MYH8: variants seen among roughly 807,000 people sequenced by gnomAD.
MYH8 encodes the protein myosin-8.
In MYH8, 168 loss-of-function variants were observed where a neutral mutation model predicts 233.2. The ratio of observed to expected loss-of-function variants is 0.72; its 90% CI spans 0.64 to 0.82. The LOEUF is 0.82. Among genes scored for constraint, MYH8 ranks in the 40% least tolerant of loss-of-function variants. The pLI is 0.00. For synonymous variants in MYH8, 785 were observed against 850.6 expected (o/e 0.92, Z 1.34); for missense variants, 1,995 against 2,327.8 (o/e 0.86, Z 2.94).
chr17:10,390,429 T>G lies in MYH8; in HGVS notation c.*25A>C, dbSNP rs188095564. ...GCACATTTTGTGCCTTTCTTCAGCCTCTTGATAGCATCAGGCAGGTGTGTT... is the reference window on the plus strand; with the variant it reads ...GCACATTTTGTGCCTTTCTTCAGCCGCTTGATAGCATCAGGCAGGTGTGTT... On this transcript the variant is annotated 3_prime_UTR_variant, in exon 40 of 40. Coordinates refer to ENST00000403437, the MANE Select transcript of MYH8 (RefSeq NM_002472.3). 7.6e-5 allele frequency: 122 copies of G among 1,612,694 alleles called. 1 individual carries two copies. In the East Asian group the frequency reaches 2.6e-3, roughly 34 times the overall value.
At chr17:10,402,638 C>CAT (rs2072154383) in intron 22 of MYH8, among the ~76,000 whole-genome samples, 1 of 152,092 alleles carries the variant, frequency 6.6e-6, no homozygotes, top group African/African-American at 2.4e-5. Context: ...CACGCACACA[C>CAT]ACACACACAC....
intron 15 of MYH8, among the ~76,000 whole-genome samples, chr17:10,409,880 A>G (rs1421877983): frequency 6.6e-6 from 1 of 152,268 alleles, no homozygotes; most frequent in East Asian, 1.9e-4. Context: ...TTCAGTGAAT[A>G]AATCTATTGT....
Position 10,399,745 on chromosome 17 carries a change from G to A in MYH8, c.3736-76C>T, listed in dbSNP as rs905067906. On this transcript the variant is annotated intron_variant, in intron 27 of 39. Coordinates refer to ENST00000403437, the MANE Select transcript of MYH8 (RefSeq NM_002472.3). ...TTAAAACTTGATTCTTAAAATATTT[G>A]TAGAGTAAATAAATTCATGTCAAGT... The A allele has an allele frequency of 1.5e-5, 24 of 1,584,190 alleles. No homozygotes were observed. In the African/African-American group the frequency reaches 2.8e-4, roughly 19 times the overall value.
Position 10,415,034 on chromosome 17 carries a change from T to C in MYH8, c.805+82A>G. On this transcript the variant is annotated intron_variant, in intron 9 of 39. Coordinates refer to ENST00000403437, the MANE Select transcript of MYH8 (RefSeq NM_002472.3). This position sits in a 1 kb window ranked among gnomAD's most constrained non-coding sequence, Gnocchi z 4.1. ...CAGACTACCCTTTTAACAGGCTTCATGCACAGCAAGGGTGGCAAAATATCC... is the reference window on the plus strand; with the variant it reads ...CAGACTACCCTTTTAACAGGCTTCACGCACAGCAAGGGTGGCAAAATATCC... 7.6e-7 allele frequency: 1 copy of C among 1,321,092 alleles called. No individual in the cohort carries two copies. Among genetic ancestry groups the C allele is most frequent in the Non-Finnish European group, 1.1e-6 (1 of 913,802 alleles). 81.8% of individuals were successfully genotyped at this position (1,321,092 alleles called of 1,614,324 possible).
rs2072127505 is a variant in MYH8, at chr17:10,400,480, C to G, written c.3645G>C (p.Arg1215=). The change falls in exon 27 of 40, where the codon CGG becomes CGC. Residue 1215 remains arginine (R), a synonymous_variant. Coordinates refer to ENST00000403437, the MANE Select transcript of MYH8 (RefSeq NM_002472.3). This position sits in a 1 kb window ranked among gnomAD's most constrained non-coding sequence, Gnocchi z 4.0. The stretch of plus-strand genomic sequence containing the variant: ...TCTCCTTCTCCAGCTTCTGTTTGAC[C>G]CGCTGCAAGTTGTCAATCTGCTCCC... ...ELGEQIDNLQ[R]VKQKLEKEKS... The G allele has an allele frequency of 6.2e-7, 1 of 1,614,018 alleles. No homozygotes were observed. Among genetic ancestry groups the G allele is most frequent in the Non-Finnish European group, 8.5e-7 (1 of 1,180,018 alleles).
At chr17:10,393,645 T>C (rs1405451480) in intron 35 of MYH8, among the ~76,000 whole-genome samples, 1 of 152,250 alleles carries the variant, frequency 6.6e-6, no homozygotes, top group African/African-American at 2.4e-5. Flanking sequence ...ATTTGTCTTA[T>C]GAAAACATGT....
At position 10,396,405 on chromosome 17, in the gene MYH8, A is replaced by T. The variant is rs758996015; in HGVS notation, c.4578T>A (p.Ile1526=). The change falls in exon 33 of 40, where the codon ATT becomes ATA. Residue 1526 remains isoleucine (I), a synonymous_variant. Transcript: ENST00000403437. The surrounding 1 kb of genome is among the most constrained non-coding windows in gnomAD (Gnocchi z 4.2). ...TEQIAEGGKQ[I]HELEKIKKQV... is the part of the protein sequence containing the mutation. ...GCTTCTTTATTTTCTCCAATTCATG[A>T]ATTTGCTTTCCTCCCTCTGCAATCT... is the stretch of plus-strand genomic sequence containing the variant. 6.8e-6 allele frequency: 11 copies of T among 1,614,022 alleles called. No individual in the cohort carries two copies. The South Asian group carries it at 1.2e-4, about 18-fold the overall frequency.
intron 28 of MYH8, 131 bp from the exon 29 acceptor site, chr17:10,399,017 T>TAC (rs1491407804): frequency 2.1e-5 from 6 of 283,140 alleles, no homozygotes; most frequent in East Asian, 6.6e-5. Context: ...TATATATATA[T>TAC]ACAAGTTGTA....
At position 10,394,356 on chromosome 17, in the gene MYH8, C is replaced by T. The variant is rs374032538; in HGVS notation, c.5059G>A (p.Glu1687Lys). 1.2e-5 allele frequency: 20 copies of T among 1,614,122 alleles called. No homozygotes were observed. Among genetic ancestry groups the T allele is most frequent in the Non-Finnish European group, 1.7e-5 (20 of 1,180,018 alleles). The change falls in exon 35 of 40, where the codon GAG (glutamate) becomes AAG (lysine). Residue 1687 changes from glutamate (E) to lysine (K), a missense_variant. Around this residue, in one of 3 missense-constraint regions of MYH8, gnomAD observed 1,498 missense variants for 1,680.9 expected, o/e 0.89. Coordinates refer to ENST00000403437, the MANE Select transcript of MYH8 (RefSeq NM_002472.3). ...AGAGTGGCCCACAGCTCCTCGATCT[C>T]AGCCTGCAGCAGGTTGGCTCTGCGC... ...VERRANLLQA[E>K]IEELWATLEQ...
Position 10,409,146 on chromosome 17 carries a change from C to A in MYH8, c.1916G>T (p.Gly639Val), listed in dbSNP as rs557143201. The A allele has an allele frequency of 3.7e-6, 6 of 1,614,128 alleles. No individual in the cohort carries two copies. In the Admixed American group the frequency reaches 8.3e-5, roughly 22 times the overall value. Residue 639 changes from glycine (G) to valine (V), a missense_variant, in exon 17 of 40, where the codon GGT (glycine) becomes GTT (valine). Gly to Val is a moderately radical substitution (Grantham distance 109, BLOSUM62 -3). This residue lies in a region of MYH8 where 1,498 missense variants were observed against 1,680.9 expected (regional missense o/e 0.89). Transcript: ENST00000403437. ...GAAAGAAGAGCCCTTTTTCTTAGCA[C>A]CTTTCTTCGCGCTGCTATCTGAGGT... ...SAEADSSAKK[G>V]AKKKGSSFQT...
rs923545568 is a variant in MYH8 at position 10,414,033 on chromosome 17, A to G, written c.1016T>C (p.Ile339Thr). 7 of 1,614,162 alleles carry G rather than the reference A, an allele frequency of 4.3e-6. No homozygotes were observed. Among genetic ancestry groups the G allele is most frequent in the Middle Eastern group, 1.6e-4 (1 of 6,062 alleles). The change falls in exon 12 of 40, where the codon ATT becomes ACT. Residue 339 changes from isoleucine (I) to threonine (T), a missense_variant. Transcript: ENST00000403437. ...QEELMATDSA[I>T]DILGFTPEEK... The stretch of plus-strand genomic sequence containing the variant: ...TTCAGGAGTGAAGCCCAGGATGTCA[A>G]TGGCACTCTACCAGGAAAAATGAGA...
Position 10,414,221 on chromosome 17 carries a change from C to G in MYH8, c.979G>C (p.Asp327His). 6.2e-7 allele frequency: 1 copy of G among 1,614,124 alleles called. No homozygotes were observed. Residue 327 changes from aspartate to histidine, a missense_variant, in exon 11 of 40, where the codon GAT becomes CAT. Transcript: ENST00000403437. ...SQGEITVPSI[D>H]DQEELMATDS... ...GTGGCCATCAACTCTTCTTGGTCAT[C>G]AATACTGGGAACTGTGATCTCCCCC...
Position 10,395,723 on chromosome 17 carries a change from A to T in MYH8, c.4654-282T>A, listed in dbSNP as rs571543021. On this transcript the variant is annotated intron_variant, in intron 33 of 39. Coordinates refer to ENST00000403437, the MANE Select transcript of MYH8 (RefSeq NM_002472.3). ...CATGTATAGTAAATATAAATTCTCAATCTGTTTTAGAAATTAAAATGTTCT... is the reference window on the plus strand; with the variant it reads ...CATGTATAGTAAATATAAATTCTCATTCTGTTTTAGAAATTAAAATGTTCT... Among the ~76,000 whole-genome samples, 12 of 152,142 alleles carry T rather than the reference A, an allele frequency of 7.9e-5. 1 individual carries two copies. Among genetic ancestry groups the T allele is most frequent in the African/African-American group, 2.6e-4 (11 of 41,550 alleles).
Position 10,414,445 on chromosome 17 carries a change from G to C in MYH8, c.845C>G (p.Ala282Gly). The change falls in exon 10 of 40, where the codon GCG (alanine) becomes GGG (glycine). Residue 282 changes from alanine (A) to glycine (G), a missense_variant. Coordinates refer to ENST00000403437, the MANE Select transcript of MYH8 (RefSeq NM_002472.3). Reference protein sequence around the residue: ...EKSRVTFQLKAERSYHIFYQI... With the variant: ...EKSRVTFQLKGERSYHIFYQI... ...ATAAAAAATATGGTAGCTTCTTTCCGCCTTTAGCTGGAAAGTAACTCTGGA... is the reference window on the plus strand; with the variant it reads ...ATAAAAAATATGGTAGCTTCTTTCCCCCTTTAGCTGGAAAGTAACTCTGGA... 6.2e-7 allele frequency: 1 copy of C among 1,613,088 alleles called. No homozygotes were observed. The highest frequency in any genetic ancestry group is 8.5e-7 in the Non-Finnish European group (1 of 1,179,222).
chr17:10,413,769 A>G, intron 12 of MYH8, 133 bp downstream of exon 12: 1 of 1,283,244 alleles, frequency 7.8e-7, no homozygotes, highest in Non-Finnish European at 1.1e-6. Flanking sequence ...TGAGGAAAGC[A>G]TGCAGTGTGT....
intron 2 of MYH8, among the ~76,000 whole-genome samples, chr17:10,420,932 A>T (rs1465848186): frequency 6.6e-6 from 1 of 152,222 alleles, no homozygotes; most frequent in Non-Finnish European, 1.5e-5. Flanking sequence ...ATCTAACCAC[A>T]GAGGAATGAG....
At position 10,409,579 on chromosome 17, in the gene MYH8, T is replaced by A. The variant is rs747449994; in HGVS notation, c.1597A>T (p.Ile533Phe). The change falls in exon 16 of 40, where the codon ATC (isoleucine) becomes TTC (phenylalanine). Residue 533 changes from isoleucine to phenylalanine, a missense_variant. By Grantham distance (21) the Ile-to-Phe change is conservative. Coordinates refer to ENST00000403437, the MANE Select transcript of MYH8 (RefSeq NM_002472.3). ...CACTCCTCTTCCAGGATGGAGAAGA[T>A]GCCCAGTGGCTGAATTCAGAAAAGT... ...CIELIEKPLG[I>F]FSILEEECMF... 5.6e-6 allele frequency: 9 copies of A among 1,614,090 alleles called. No individual in the cohort carries two copies. Among genetic ancestry groups the A allele is most frequent in the East Asian group, 4.5e-5 (2 of 44,898 alleles).
At chr17:10,399,714 A>C (rs1299574188) in intron 27 of MYH8, 45 bp from the exon 28 acceptor site, 1 of 1,611,912 alleles carries the variant, frequency 6.2e-7, no homozygotes, top group African/African-American at 1.3e-5. Flanking sequence ...GAATGCAATA[A>C]AAAGGTTAAA....
chr17:10,406,467 G>C, intron 19 of MYH8, 70 bp from the exon 20 acceptor site: 1 of 1,596,506 alleles, frequency 6.3e-7, no homozygotes, highest in African/African-American at 1.3e-5. Flanking sequence ...ACACCAAAAA[G>C]AAATATCAAC....
Sources: allele counts gnomAD v4.1 joint callset (sites outside exome capture counted in the v4.1 genomes callset), GRCh38; gene constraint gnomAD v4.1.1; regional missense constraint gnomAD v4.1.1; non-coding constraint Gnocchi (gnomAD v3.1); transcripts MANE v1.5; gene names NCBI Gene and HGNC (gene_info 2026-07-23, HGNC 2026-07-21).